The following ZSWIM6 variants were observed in gnomAD, a reference collection of about 807,000 sequenced individuals.
The protein encoded by ZSWIM6 is zinc finger SWIM-type containing 6.
In ZSWIM6, 9 loss-of-function variants were observed where a neutral mutation model predicts 113.2. That is an observed-to-expected ratio of 0.08 (90% CI 0.05 to 0.14). ZSWIM6 has a LOEUF of 0.14. ZSWIM6 is among the 10% of genes least tolerant of loss of function. The pLI is 1.00. For synonymous variants in ZSWIM6, 611 were observed against 606.5 expected (o/e 1.01, Z -0.11); for missense variants, 1,162 against 1,552.2 (o/e 0.75, Z 4.22).
intron 1 of ZSWIM6, among the ~76,000 whole-genome samples, chr5:61,409,387 G>A (rs1746110527): frequency 1.3e-5 from 2 of 152,084 alleles, no homozygotes; most frequent in South Asian, 4.1e-4. Context: ...GCATGATTTT[G>A]TAAAGCAAAA....
intron 1 of ZSWIM6, among the ~76,000 whole-genome samples, chr5:61,402,145 T>C (rs1745951548): frequency 6.6e-6 from 1 of 152,214 alleles, no homozygotes; most frequent in African/African-American, 2.4e-5. Flanking sequence ...AACATGTACA[T>C]CCTGAGTTTG....
chr5:61,474,193 C>T (rs1009349636), intron 2 of ZSWIM6, among the ~76,000 whole-genome samples: 1 of 152,096 alleles, frequency 6.6e-6, no homozygotes, highest in Non-Finnish European at 1.5e-5. Context: ...CATTATTAAA[C>T]ATTGGTTTAG....
At chr5:61,458,900 A>C (rs949008942) in intron 1 of ZSWIM6, among the ~76,000 whole-genome samples, 1 of 151,932 alleles carries the variant, frequency 6.6e-6, no homozygotes, top group Non-Finnish European at 1.5e-5. Context: ...GAAAAAAAAA[A>C]AAGGAGGCCA....
At chr5:61,417,004 T>A (rs1179281895) in intron 1 of ZSWIM6, among the ~76,000 whole-genome samples, 1 of 152,094 alleles carries the variant, frequency 6.6e-6, no homozygotes, top group Non-Finnish European at 1.5e-5. Context: ...TAGCCAGGCG[T>A]AGTGGCACAT....
chr5:61,478,707 G>T (rs981187247), intron 2 of ZSWIM6, among the ~76,000 whole-genome samples: 7 of 84,242 alleles, frequency 8.3e-5, no homozygotes, highest in South Asian at 4.0e-4. Context: ...GTGTGTGTTT[G>T]TGTGTGTGTG....
At chr5:61,462,896 C>T (rs1054345605) in intron 1 of ZSWIM6, among the ~76,000 whole-genome samples, 2 of 152,200 alleles carry the variant, frequency 1.3e-5, no homozygotes, top group Admixed American at 1.3e-4. Flanking sequence ...AGTGCTAATT[C>T]TCTTTCCAGT....
rs1745705623 is a variant in ZSWIM6, at chr5:61,391,275, C to T, written c.676+58327C>T. 7.9e-6 allele frequency: 7 copies of T among 880,570 alleles called. No individual in the cohort carries two copies. The East Asian group carries it at 1.4e-4, about 18-fold the overall frequency. The allele number at this position is 880,570 out of a possible 1,614,324, so 54.5% of individuals were successfully genotyped here. ...TCACAGGTACCTGCTGCTCAAGCCT[C>T]TCGTGGGCCCAGTCCAGCTTCTTGG... On this transcript the variant is annotated intron_variant, in intron 1 of 13. Transcript: ENST00000252744.
chr5:61,348,713 C>G (rs1744720623), intron 1 of ZSWIM6, among the ~76,000 whole-genome samples: 1 of 152,226 alleles, frequency 6.6e-6, no homozygotes, highest in South Asian at 2.1e-4. Flanking sequence ...GAACCCAACT[C>G]TTTCAGGAAG....
intron 11 of ZSWIM6, 110 bp from the exon 12 acceptor site, chr5:61,539,484 TTG>T: frequency 7.9e-7 from 1 of 1,263,486 alleles, no homozygotes; most frequent in Non-Finnish European, 1.1e-6. Flanking sequence ...ATGTTTTGTT[TTG>T]TTTCTTTTTT....
intron 1 of ZSWIM6, among the ~76,000 whole-genome samples, chr5:61,373,705 G>A (rs1051670924): frequency 4.6e-5 from 7 of 151,910 alleles, no homozygotes; most frequent in African/African-American, 1.5e-4. Context: ...CCATTCTTAA[G>A]GCCAAAGTCT....
chr5:61,538,787 G>T, intron 10 of ZSWIM6, 27 bp from the exon 11 acceptor site: 1 of 1,534,862 alleles, frequency 6.5e-7, no homozygotes, highest in Non-Finnish European at 8.8e-7. Flanking sequence ...ATAACTAGGG[G>T]CCACCTTCCT....
intron 1 of ZSWIM6, among the ~76,000 whole-genome samples, chr5:61,435,966 C>T (rs1300530895): frequency 6.6e-6 from 1 of 152,126 alleles, no homozygotes; most frequent in Non-Finnish European, 1.5e-5. Flanking sequence ...CTTTGGGAGG[C>T]CAAGGCGAGC....
chr5:61,497,107 A>G (rs894628959), intron 4 of ZSWIM6, among the ~76,000 whole-genome samples: 2 of 59,852 alleles, frequency 3.3e-5, no homozygotes, highest in Non-Finnish European at 7.4e-5. Flanking sequence ...GTACACCAGG[A>G]AAAAAAAAAA....
chr5:61,456,600 T>G (rs1348892792), intron 1 of ZSWIM6, among the ~76,000 whole-genome samples: 1 of 152,232 alleles, frequency 6.6e-6, no homozygotes, highest in East Asian at 1.9e-4. Context: ...AATGAATTTC[T>G]CCTGCTGTGC....
chr5:61,423,701 A>C (rs137930274), intron 1 of ZSWIM6, among the ~76,000 whole-genome samples: 2 of 152,292 alleles, frequency 1.3e-5, no homozygotes, highest in East Asian at 3.9e-4. Flanking sequence ...ATGGTTATCT[A>C]TGCATTCAGC....
At chr5:61,482,124 T>A (rs552072528) in intron 2 of ZSWIM6, among the ~76,000 whole-genome samples, 5 of 152,320 alleles carry the variant, frequency 3.3e-5, no homozygotes, top group African/African-American at 1.2e-4. Context: ...TTGTCTTTGA[T>A]TATAGACAGC....
intron 1 of ZSWIM6, among the ~76,000 whole-genome samples, chr5:61,420,910 C>T (rs1320557599): frequency 1.4e-5 from 2 of 141,774 alleles, no homozygotes; most frequent in Admixed American, 7.1e-5. Context: ...AGGTCTTATT[C>T]GTTCTATTTT....
At chr5:61,367,119 G>C (rs935623646) in intron 1 of ZSWIM6, among the ~76,000 whole-genome samples, 1 of 152,174 alleles carries the variant, frequency 6.6e-6, no homozygotes, top group Non-Finnish European at 1.5e-5. Context: ...ACCATCCCCT[G>C]AGGATTCACT....
Position 61,514,238 on chromosome 5 carries a change from C to T in ZSWIM6, c.1334-7025C>T, listed in dbSNP as rs143665505. 1.0e-3 allele frequency among the ~76,000 whole-genome samples: 157 copies of T among 150,168 alleles called. 1 individual carries two copies. Among genetic ancestry groups the T allele is most frequent in the African/African-American group, 3.6e-3 (147 of 41,092 alleles). On this transcript the variant is annotated intron_variant, in intron 4 of 13. Coordinates refer to ENST00000252744, the MANE Select transcript of ZSWIM6 (RefSeq NM_020928.2). ...TTGATTTCCAGTTGTTCATATTTAG[C>T]ATATATATCTACAGTTTTTTGTTTG...
Sources: allele counts gnomAD v4.1 joint callset (sites outside exome capture counted in the v4.1 genomes callset), GRCh38; gene constraint gnomAD v4.1.1; transcripts MANE v1.5; gene names NCBI Gene and HGNC (gene_info 2026-07-23, HGNC 2026-07-21).